The following CFAP300 variants were observed in gnomAD, a reference collection of about 807,000 sequenced individuals.
CFAP300 encodes the protein cilia and flagella associated protein 300, also known as cilia- and flagella-associated protein 300.
A neutral mutation model predicts 33.0 loss-of-function variants in CFAP300; 32 were observed. The observed-to-expected ratio is 0.97, with a 90% CI of 0.73 to 1.30. The LOEUF (loss-of-function observed/expected upper bound fraction) is 1.30. CFAP300 is among the 50% of genes most tolerant of loss of function. The pLI is 0.00. For missense variants in CFAP300, 356 were observed against 318.1 expected (o/e 1.12, Z -0.90); for synonymous variants, 102 against 106.8 (o/e 0.95, Z 0.28).
intron 4 of CFAP300, among the ~76,000 whole-genome samples, chr11:102,067,995 T>C (rs979104395): frequency 1.3e-5 from 2 of 152,232 alleles, no homozygotes; most frequent in African/African-American, 4.8e-5. Context: ...AGGGCTTTCA[T>C]GTCAAATAGC....
Position 102,066,699 on chromosome 11 carries a change from A to T in CFAP300, c.435+48A>T, listed in dbSNP as rs746211735. On this transcript the variant is annotated intron_variant, in intron 4 of 6. Transcript: ENST00000434758. ...TCGCAGTGGAATTTTATTTCAGGAA[A>T]TGCAAAAATGGCAAAAACTTTGCCT... is the stretch of plus-strand genomic sequence containing the variant. 3.8e-5 allele frequency: 59 copies of T among 1,543,962 alleles called. No individual in the cohort carries two copies. The South Asian group carries it at 6.8e-4, about 18-fold the overall frequency.
At chr11:102,077,577 A>G (rs1355333496) in intron 5 of CFAP300, among the ~76,000 whole-genome samples, 1 of 152,104 alleles carries the variant, frequency 6.6e-6, no homozygotes, top group Non-Finnish European at 1.5e-5. Context: ...AATTTTAATC[A>G]TTTATTTTTT....
intron 5 of CFAP300, among the ~76,000 whole-genome samples, chr11:102,079,290 A>G (rs1942441609): frequency 6.6e-6 from 1 of 152,230 alleles, no homozygotes; most frequent in South Asian, 2.1e-4. Flanking sequence ...AGGTGATTAT[A>G]TAGGTGTATG....
At chr11:102,056,041 T>A (rs958425263) in intron 2 of CFAP300, among the ~76,000 whole-genome samples, 6 of 152,172 alleles carry the variant, frequency 3.9e-5, no homozygotes, top group African/African-American at 1.4e-4. Flanking sequence ...GTTCAGGGGA[T>A]GTTTATTTAG....
At chr11:102,067,002 A>AT (rs1345154950) in intron 4 of CFAP300, among the ~76,000 whole-genome samples, 1 of 152,202 alleles carries the variant, frequency 6.6e-6, no homozygotes, top group Non-Finnish European at 1.5e-5. Flanking sequence ...TAATAAGGCC[A>AT]TTTTTGCTCA....
Position 102,083,350 on chromosome 11 carries a change from T to G in CFAP300, c.*151T>G, listed in dbSNP as rs1942503909. On this transcript the variant is annotated 3_prime_UTR_variant, in exon 7 of 7. Coordinates refer to ENST00000434758, the MANE Select transcript of CFAP300 (RefSeq NM_032930.3). ...AGAAGAAAGCAAACACCAAGATGCC[T>G]TTTTAAAAATTTGTGTGGAATACTA... 1.2e-5 allele frequency: 6 copies of G among 485,450 alleles called. No individual in the cohort carries two copies. Among genetic ancestry groups the G allele is most frequent in the Non-Finnish European group, 1.9e-5 (6 of 320,772 alleles). The allele number at this position is 485,450 out of a possible 1,614,324, so 30.1% of individuals were successfully genotyped here.
At chr11:102,080,706 T>A (rs1942461599) in intron 5 of CFAP300, among the ~76,000 whole-genome samples, 2 of 152,112 alleles carry the variant, frequency 1.3e-5, no homozygotes, top group South Asian at 4.1e-4. Context: ...GGCCCACAAA[T>A]AGTTTTTATA....
chr11:102,057,807 C>G (rs934461030), intron 2 of CFAP300: 22 of 152,308 alleles, frequency 1.4e-4, no homozygotes, highest in African/African-American at 5.3e-4. Flanking sequence ...TCAGGCCAGA[C>G]AGACCTGGCA....
intron 4 of CFAP300, among the ~76,000 whole-genome samples, chr11:102,067,293 G>A (rs1377176162): frequency 6.6e-6 from 1 of 152,230 alleles, no homozygotes; most frequent in Admixed American, 6.5e-5. Flanking sequence ...GGGAAGTCAA[G>A]GCTGCAATGA....
At chr11:102,049,608 T>C (rs1941938710) in intron 2 of CFAP300, among the ~76,000 whole-genome samples, 2 of 152,124 alleles carry the variant, frequency 1.3e-5, no homozygotes, top group South Asian at 4.1e-4. Context: ...ATACTCATGG[T>C]TAGATTATTA....
intron 2 of CFAP300, among the ~76,000 whole-genome samples, chr11:102,055,647 C>CATATACAT (rs1390195529): frequency 6.7e-6 from 1 of 148,572 alleles, no homozygotes; most frequent in African/African-American, 2.5e-5. Context: ...CACACCTGGC[C>CATATACAT]ATATACATTA....
intron 2 of CFAP300, among the ~76,000 whole-genome samples, chr11:102,051,000 A>G (rs2135010879): frequency 6.6e-6 from 1 of 152,302 alleles, no homozygotes; most frequent in East Asian, 1.9e-4. Flanking sequence ...GTTACATGAT[A>G]ATGTCAAGTA....
intron 5 of CFAP300, among the ~76,000 whole-genome samples, chr11:102,079,057 A>G (rs7116677): frequency 0.43 from 65,675 of 152,076 alleles, 14,460 homozygotes; most frequent in East Asian, 0.7. Context: ...TTGTTCTGAT[A>G]TCAAATACTA....
At chr11:102,077,229 T>C (rs1477001306) in intron 5 of CFAP300, among the ~76,000 whole-genome samples, 2 of 152,240 alleles carry the variant, frequency 1.3e-5, no homozygotes, top group African/African-American at 2.4e-5. Context: ...TTGGAGATAT[T>C]TGAAGTAGAA....
At position 102,083,265 on chromosome 11, in the gene CFAP300, A is replaced by G. The variant is rs932642862; in HGVS notation, c.*66A>G. On this transcript the variant is annotated 3_prime_UTR_variant, in exon 7 of 7. Coordinates refer to ENST00000434758, the MANE Select transcript of CFAP300 (RefSeq NM_032930.3). ...CATTTTTCTATCTTAATACTAACTT[A>G]TAGATAAACATATACTTTGCAAATT... 3.4e-6 allele frequency: 4 copies of G among 1,193,718 alleles called. No homozygotes were observed. Among genetic ancestry groups the G allele is most frequent in the Non-Finnish European group, 4.4e-6 (4 of 916,554 alleles). The allele number at this position is 1,193,718 out of a possible 1,614,324, so 73.9% of individuals were successfully genotyped here.
intron 2 of CFAP300, among the ~76,000 whole-genome samples, chr11:102,052,165 T>C (rs1186849823): frequency 6.6e-6 from 1 of 152,248 alleles, no homozygotes; most frequent in East Asian, 1.9e-4. Flanking sequence ...CCTTTGGTTC[T>C]AGTTCAATTC....
intron 6 of CFAP300, among the ~76,000 whole-genome samples, chr11:102,082,406 AAAC>A (rs1942487342): frequency 6.6e-6 from 1 of 152,118 alleles, no homozygotes; most frequent in African/African-American, 2.4e-5. Context: ...AAAAAAGAGA[AAAC>A]AAAGATAGAA....
chr11:102,070,376 A>G (rs1165694873), intron 4 of CFAP300, among the ~76,000 whole-genome samples: 1 of 152,222 alleles, frequency 6.6e-6, no homozygotes, highest in Non-Finnish European at 1.5e-5. Context: ...GAGACTGTGA[A>G]TGAGCTTAAT....
chr11:102,080,206 T>A (rs982492612), intron 5 of CFAP300, among the ~76,000 whole-genome samples: 9 of 152,316 alleles, frequency 5.9e-5, no homozygotes, highest in African/African-American at 2.2e-4. Context: ...GTGTGTATAT[T>A]TATTTATATA....
Sources: gnomAD v4.1 joint callset for allele counts (sites outside exome capture counted in the v4.1 genomes callset) on GRCh38, gnomAD v4.1.1 for gene constraint, MANE v1.5 for transcripts, NCBI Gene and HGNC (gene_info 2026-07-23, HGNC 2026-07-21) for gene names.